HEG1: variants seen among roughly 807,000 people sequenced by gnomAD.
The protein encoded by HEG1 is protein HEG homolog 1.
A neutral mutation model predicts 125.6 loss-of-function variants in HEG1; 56 were observed. That is an observed-to-expected ratio of 0.45 (90% CI 0.36 to 0.56). The LOEUF is 0.56. Ranked by LOEUF, HEG1 falls within the 20% of genes least tolerant of loss-of-function variation. The pLI, the probability that HEG1 is intolerant of heterozygous loss-of-function variation, is 0.00. For synonymous variants in HEG1, 644 were observed against 668.5 expected, an observed-to-expected ratio of 0.96 and a Z score of 0.57; for missense variants, 1,523 against 1,670.0, an observed-to-expected ratio of 0.91 and a Z score of 1.53.
In HEG1 at chr3:125,025,768, A is replaced by C. The variant is rs553411856; in HGVS notation, c.913+1437T>G. Among the ~76,000 whole-genome samples the C allele has an allele frequency of 1.2e-4, 19 of 152,358 alleles. No homozygotes were observed. The South Asian group carries it at 3.3e-3, about 27-fold the overall frequency. ...AAGTTGTAAATCACTGAACCACAGA[A>C]CTTTGAGGCTGGAAGAATTGCAGCT... On this transcript the variant is annotated intron_variant, in intron 3 of 16. Transcript: ENST00000311127.
At position 125,013,348 on chromosome 3, in the gene HEG1, G is replaced by A. The variant is rs1055234033; in HGVS notation, c.2231C>T (p.Thr744Ile). 1.3e-5 allele frequency: 21 copies of A among 1,613,862 alleles called. No homozygotes were observed. The South Asian group carries it at 2.2e-4, about 17-fold the overall frequency. ...SQTTLPQSSS[T>I]PVLPRARETP... ...CTCCCTTGCCCTGGGCAGGACAGGG[G>A]TAGAAGATGACTGTGGCAAGGTTGT... The change falls in exon 6 of 17, where the codon ACC (threonine) becomes ATC (isoleucine). Residue 744 changes from threonine to isoleucine, a missense_variant. By Grantham distance (89) the Thr-to-Ile change is moderately conservative. Coordinates refer to ENST00000311127, the MANE Select transcript of HEG1 (RefSeq NM_020733.2).
At chr3:124,984,837 C>G (rs1053533782) in intron 14 of HEG1, among the ~76,000 whole-genome samples, 1 of 151,922 alleles carries the variant, frequency 6.6e-6, no homozygotes, top group Non-Finnish European at 1.5e-5. Flanking sequence ...GCTTAGATGA[C>G]AGGAATATTT....
intron 5 of HEG1, chr3:125,014,901 G>T (rs1176584816): frequency 2.3e-6 from 3 of 1,289,754 alleles, no homozygotes; most frequent in Admixed American, 2.3e-5. Context: ...CCCGTTTCCA[G>T]TGACAGTAGC....
chr3:124,982,606 T>C (rs1314952299), intron 14 of HEG1, among the ~76,000 whole-genome samples: 3 of 152,250 alleles, frequency 2.0e-5, no homozygotes, highest in African/African-American at 4.8e-5. Flanking sequence ...TCATCACAGT[T>C]AGCATCTTTC....
intron 6 of HEG1, among the ~76,000 whole-genome samples, chr3:125,010,846 T>C (rs1485871271): frequency 6.6e-6 from 1 of 152,220 alleles, no homozygotes; most frequent in African/African-American, 2.4e-5. Context: ...TTGATGATTA[T>C]ATTGCCTTTG....
intron 2 of HEG1, among the ~76,000 whole-genome samples, chr3:125,027,769 T>C (rs1937439951): frequency 6.6e-6 from 1 of 152,104 alleles, no homozygotes; most frequent in African/African-American, 2.4e-5. Flanking sequence ...CAATATGGAA[T>C]CAGAGATCAG....
chr3:124,990,894 A>C, intron 13 of HEG1, 50 bp downstream of exon 13: 1 of 1,552,868 alleles, frequency 6.4e-7, no homozygotes, highest in South Asian at 1.2e-5. Context: ...GAGGCAATTT[A>C]TCTAAATAAG....
Position 125,001,982 on chromosome 3 carries a change from T to G in HEG1, c.3387A>C (p.Gln1129His). The change falls in exon 11 of 17, where the codon CAA becomes CAC. Residue 1129 changes from glutamine to histidine, a missense_variant. By Grantham distance (24) the Gln-to-His change is conservative. Transcript: ENST00000311127. ...CATTGGAGGCCAGGGAAAAGGTTGTTTGCAGTGAGATCACCACCGCGTTGG... is the reference window on the plus strand; with the variant it reads ...CATTGGAGGCCAGGGAAAAGGTTGTGTGCAGTGAGATCACCACCGCGTTGG... ...RESNAVVISL[Q>H]TTFSLASNVT... 1 of 1,614,064 alleles carries G rather than the reference T, an allele frequency of 6.2e-7. No individual in the cohort carries two copies. The highest frequency in any genetic ancestry group is 8.5e-7 in the Non-Finnish European group (1 of 1,179,900).
At chr3:124,995,275 A>T (rs1166019518) in intron 12 of HEG1, among the ~76,000 whole-genome samples, 1 of 151,976 alleles carries the variant, frequency 6.6e-6, no homozygotes, top group East Asian at 1.9e-4. Flanking sequence ...CTCCAGCCTG[A>T]GTGACAGAGC....
At position 124,969,539 on chromosome 3, in the gene HEG1, G is replaced by C. The variant is rs1309760821; in HGVS notation, c.*1113C>G. ...ATGGGGTTTGTGGACATGAGATTCT[G>C]GGTACAAAGTGCTGCAGTAGCCGGT... On this transcript the variant is annotated 3_prime_UTR_variant, in exon 17 of 17. Transcript: ENST00000311127. 6.6e-6 allele frequency: 1 copy of C among 152,214 alleles called. No individual in the cohort carries two copies. The allele number at this position is 152,214 out of a possible 1,614,324, so 9.4% of individuals were successfully genotyped here.
intron 12 of HEG1, among the ~76,000 whole-genome samples, chr3:124,993,202 C>CT (rs1936860727): frequency 6.6e-6 from 1 of 152,226 alleles, no homozygotes; most frequent in African/African-American, 2.4e-5. Flanking sequence ...CAGGACCCTG[C>CT]TGTGTCTCAT....
intron 1 of HEG1, among the ~76,000 whole-genome samples, chr3:125,038,636 A>G (rs1201405205): frequency 6.6e-6 from 1 of 152,188 alleles, no homozygotes; most frequent in Non-Finnish European, 1.5e-5. Context: ...ATCCTTTCTG[A>G]AGCCCTGAGT....
In HEG1 at chr3:125,001,891, C is replaced by T; in HGVS notation, c.3478G>A (p.Val1160Ile). Residue 1160 changes from valine (V) to isoleucine (I), a missense_variant, in exon 11 of 17, where the codon GTC (valine) becomes ATC (isoleucine). Physicochemically the swap from Val to Ile is conservative, Grantham distance 29. Transcript: ENST00000311127. ...CTCTGAGATCCCAAGAGCTGGCAGA[C>T]CTCAGCAGAGGACTTGCAGGAGTTG... The part of the protein sequence containing the change: ...CVNSCKSSAE[V>I]CQLLGSQRRI... The T allele has an allele frequency of 6.2e-7, 1 of 1,613,672 alleles. No individual in the cohort carries two copies. Among genetic ancestry groups the T allele is most frequent in the Non-Finnish European group, 8.5e-7 (1 of 1,179,788 alleles).
chr3:125,001,262 T>A (rs1000798931), intron 11 of HEG1, among the ~76,000 whole-genome samples: 6 of 151,452 alleles, frequency 4.0e-5, no homozygotes, highest in Non-Finnish European at 5.9e-5. Context: ...TAATAATGTA[T>A]CATGATGAAG....
chr3:125,028,922 C>T (rs867744383), intron 2 of HEG1, among the ~76,000 whole-genome samples: 1 of 152,188 alleles, frequency 6.6e-6, no homozygotes, highest in African/African-American at 2.4e-5. Flanking sequence ...CTGAGACCCT[C>T]GGGTGTGGCA....
At chr3:124,971,171 TGAG>T (rs1437984261) in intron 16 of HEG1, 3 of 466,924 alleles carry the variant, frequency 6.4e-6, no homozygotes, top group African/African-American at 5.9e-5. Flanking sequence ...GGGGCTACTT[TGAG>T]GAGGCCTTCA....
intron 1 of HEG1, among the ~76,000 whole-genome samples, chr3:125,052,238 C>T (rs1031026652): frequency 4.0e-5 from 6 of 151,812 alleles, no homozygotes; most frequent in Non-Finnish European, 7.4e-5. Context: ...GTGAGGTAGC[C>T]GCCTTCTGGA....
rs747920447 is a variant in HEG1 at position 125,027,401 on chromosome 3, C to T, written c.717G>A (p.Ala239=). The change falls in exon 3 of 17, where the codon GCG becomes GCA. Residue 239 remains alanine, a synonymous_variant. Transcript: ENST00000311127. ...CAGTCCATTCTTCTGACAGCCCCAT[C>T]GCCCTCTCTGTTCCCATCTCCGAGG... ...GTASEMGTER[A]MGLSEEWTVH... 50 of 1,613,906 alleles carry T rather than the reference C, an allele frequency of 3.1e-5. No homozygotes were observed. Among genetic ancestry groups the T allele is most frequent in the Non-Finnish European group, 3.6e-5 (43 of 1,179,898 alleles).
At chr3:124,997,514 T>C (rs1031192941) in intron 12 of HEG1, among the ~76,000 whole-genome samples, 175 bp downstream of exon 12, 2 of 152,266 alleles carry the variant, frequency 1.3e-5, no homozygotes, top group Non-Finnish European at 2.9e-5. Flanking sequence ...ATAATGCTAT[T>C]ATTCCAAGGA....
Sources: gnomAD v4.1 joint callset for allele counts (sites outside exome capture counted in the v4.1 genomes callset) on GRCh38, gnomAD v4.1.1 for gene constraint, MANE v1.5 for transcripts, NCBI Gene and HGNC (gene_info 2026-07-23, HGNC 2026-07-21) for gene names.